GLIPR1L2: variants seen among roughly 807,000 people sequenced by gnomAD.
GLIPR1L2 encodes GLIPR1 like 2.
A neutral mutation model predicts 28.4 loss-of-function variants in GLIPR1L2; 21 were observed. The ratio of observed to expected loss-of-function variants is 0.74; its 90% CI spans 0.52 to 1.06. GLIPR1L2 has a LOEUF of 1.06. Ranked by LOEUF, GLIPR1L2 falls within the 50% of genes least tolerant of loss-of-function variation. The probability of loss-of-function intolerance (pLI) is 0.00; values close to 1 mark genes in which losing one functional copy is unlikely to be tolerated. For synonymous variants in GLIPR1L2, 145 were observed against 139.3 expected (o/e 1.04, Z -0.29); for missense variants, 476 against 416.9 (o/e 1.14, Z -1.23).
At chr12:75,414,641 A>G (rs1480082427) in intron 3 of GLIPR1L2, among the ~76,000 whole-genome samples, 2 of 152,134 alleles carry the variant, frequency 1.3e-5, no homozygotes, top group Non-Finnish European at 2.9e-5. Context: ...GTTGCAAAAC[A>G]TTTTAGGTGT....
intron 1 of GLIPR1L2, among the ~76,000 whole-genome samples, chr12:75,402,667 C>G (rs532515999): frequency 6.6e-6 from 1 of 152,294 alleles, no homozygotes; most frequent in African/African-American, 2.4e-5. Flanking sequence ...TGACCTTGGG[C>G]CCTGTCCTAA....
rs1203948082 is a variant in GLIPR1L2, at chr12:75,391,091, A to C, written c.-26A>C. On this transcript the variant is annotated 5_prime_UTR_variant, in exon 1 of 6. Transcript: ENST00000550916. ...TCACTGGGACGGCCAGCGCGTGCGC[A>C]CTGGCCTGTCAGCGGCCGGTGGACC... The C allele has an allele frequency of 2.0e-6, 3 of 1,528,014 alleles. No homozygotes were observed. Among genetic ancestry groups the C allele is most frequent in the African/African-American group, 1.4e-5 (1 of 73,258 alleles). The allele number at this position is 1,528,014 out of a possible 1,614,324, so 94.7% of individuals were successfully genotyped here. A position where few individuals can be genotyped will look rare whatever the true frequency, so the allele number is the denominator to read the frequency against.
rs1426076594 is a variant in GLIPR1L2, at chr12:75,431,025, A to G, written c.899A>G (p.Glu300Gly). The G allele has an allele frequency of 1.3e-6, 2 of 1,526,142 alleles. No individual in the cohort carries two copies. Among genetic ancestry groups the G allele is most frequent in the African/African-American group, 1.4e-5 (1 of 72,834 alleles). The allele number at this position is 1,526,142 out of a possible 1,614,324, so 94.5% of individuals were successfully genotyped here. A position where few individuals can be genotyped will look rare whatever the true frequency, so the allele number is the denominator to read the frequency against. Residue 300 changes from glutamate (E) to glycine (G), a missense_variant, in exon 6 of 6, where the codon GAG (glutamate) becomes GGG (glycine). By Grantham distance (98) the Glu-to-Gly change is moderately conservative. Transcript: ENST00000550916. ...TPEESEAGNE[E>G]EEKEEEKKEK... ...GAGGAATCTGAAGCAGGGAATGAAG[A>G]GGAGGAAAAAGAGGAAGAGAAGAAA...
chr12:75,393,009 C>A (rs1200545062), intron 1 of GLIPR1L2, among the ~76,000 whole-genome samples: 1 of 151,950 alleles, frequency 6.6e-6, no homozygotes, highest in Non-Finnish European at 1.5e-5. Flanking sequence ...GGACATCACT[C>A]AGCTTATTTA....
At chr12:75,415,593 T>C (rs769343783) in intron 3 of GLIPR1L2, among the ~76,000 whole-genome samples, 14 of 152,104 alleles carry the variant, frequency 9.2e-5, no homozygotes, top group Non-Finnish European at 1.9e-4. Flanking sequence ...AATCCAGATG[T>C]TGACTAAGTA....
At chr12:75,418,616 G>A (rs1214223911) in intron 3 of GLIPR1L2, among the ~76,000 whole-genome samples, 4 of 152,122 alleles carry the variant, frequency 2.6e-5, no homozygotes, top group Admixed American at 1.3e-4. Flanking sequence ...GTAACGTGAT[G>A]CCTCCAGCTT....
At chr12:75,398,062 G>A (rs2045699786) in intron 1 of GLIPR1L2, among the ~76,000 whole-genome samples, 2 of 151,174 alleles carry the variant, frequency 1.3e-5, no homozygotes, top group Admixed American at 1.3e-4. Flanking sequence ...CGGGAGCGGT[G>A]GCTCACGCCT....
chr12:75,392,309 G>T (rs2045628456), intron 1 of GLIPR1L2, among the ~76,000 whole-genome samples: 1 of 152,086 alleles, frequency 6.6e-6, no homozygotes. Context: ...CAGCTGTTCT[G>T]TTTTCACCAC....
chr12:75,425,288 G>A (rs1332869317), intron 4 of GLIPR1L2, among the ~76,000 whole-genome samples: 1 of 152,106 alleles, frequency 6.6e-6, no homozygotes, highest in African/African-American at 2.4e-5. Flanking sequence ...TGGAGGCCAA[G>A]AAGAATAAGG....
intron 2 of GLIPR1L2, among the ~76,000 whole-genome samples, chr12:75,413,322 G>T (rs1254535036): frequency 6.6e-6 from 1 of 150,772 alleles, no homozygotes; most frequent in Non-Finnish European, 1.5e-5. Context: ...TTGTGCACAT[G>T]TACCCTAAAA....
Position 75,430,741 on chromosome 12 carries a change from T to G in GLIPR1L2, c.697T>G (p.Tyr233Asp). 6.5e-7 allele frequency: 1 copy of G among 1,534,886 alleles called. No individual in the cohort carries two copies. The highest frequency in any genetic ancestry group is 1.2e-5 in the South Asian group (1 of 83,704). Residue 233 changes from tyrosine to aspartate, a missense_variant and splice_region_variant, in exon 5 of 6, where the codon TAT (tyrosine) becomes GAT (aspartate). Coordinates refer to ENST00000550916, the MANE Select transcript of GLIPR1L2 (RefSeq NM_001270396.2). ...CSNADRDQAT[Y>D]YRFWYPKWEM... ...TAATGCAGATCGTGACCAAGCCACA[T>G]GTATGTATTGTTGTCCTTTATTTCT...
intron 1 of GLIPR1L2, among the ~76,000 whole-genome samples, chr12:75,398,909 G>A (rs532367900): frequency 6.6e-6 from 1 of 152,156 alleles, no homozygotes; most frequent in South Asian, 2.1e-4. Flanking sequence ...ACAATGTTTG[G>A]AGGTTTCCGT....
chr12:75,395,681 T>C (rs1228487102), intron 1 of GLIPR1L2, among the ~76,000 whole-genome samples: 1 of 151,814 alleles, frequency 6.6e-6, no homozygotes, highest in Admixed American at 6.6e-5. Flanking sequence ...TTATTAGTTA[T>C]AGGTCTGTTT....
At chr12:75,426,593 A>T (rs972959104) in intron 4 of GLIPR1L2, among the ~76,000 whole-genome samples, 15 of 152,234 alleles carry the variant, frequency 9.9e-5, no homozygotes, top group African/African-American at 3.4e-4. Flanking sequence ...ATACAGAGAA[A>T]ATAATTCACA....
intron 1 of GLIPR1L2, among the ~76,000 whole-genome samples, chr12:75,406,969 C>T (rs2045809037): frequency 6.6e-6 from 1 of 151,906 alleles, no homozygotes; most frequent in Non-Finnish European, 1.5e-5. Context: ...AGGAGAGTCT[C>T]CCACACTCAA....
At chr12:75,427,670 T>A (rs952841203) in intron 4 of GLIPR1L2, among the ~76,000 whole-genome samples, 2 of 152,168 alleles carry the variant, frequency 1.3e-5, no homozygotes, top group African/African-American at 4.8e-5. Flanking sequence ...AATATCATCT[T>A]GAATTGTAAT....
intron 4 of GLIPR1L2, chr12:75,423,325 A>T: frequency 9.1e-7 from 1 of 1,095,598 alleles, no homozygotes; most frequent in Non-Finnish European, 1.1e-6. Flanking sequence ...AGGATAGTAT[A>T]TTCCAAAATA....
At chr12:75,413,759 T>A in intron 3 of GLIPR1L2, 58 bp downstream of exon 3, 1 of 779,706 alleles carries the variant, frequency 1.3e-6, no homozygotes. Context: ...AAGGTGAGTT[T>A]TTCTAACTTT....
At position 75,407,638 on chromosome 12, in the gene GLIPR1L2, T is replaced by C. The variant is rs2045817927; in HGVS notation, c.235-2796T>C. On this transcript the variant is annotated intron_variant, in intron 1 of 5. Coordinates refer to ENST00000550916, the MANE Select transcript of GLIPR1L2 (RefSeq NM_001270396.2). The stretch of plus-strand genomic sequence containing the variant: ...ATCTTTTCTATAATTGTCTTTGAGC[T>C]AGGCAATTTACAATTTTTAAATTGT... 2.0e-5 allele frequency among the ~76,000 whole-genome samples: 3 copies of C among 152,166 alleles called. No individual in the cohort carries two copies. In the South Asian group the frequency reaches 6.2e-4, roughly 31 times the overall value.
Sources: allele counts gnomAD v4.1 joint callset (sites outside exome capture counted in the v4.1 genomes callset), GRCh38; gene constraint gnomAD v4.1.1; transcripts MANE v1.5; gene names NCBI Gene and HGNC (gene_info 2026-07-23, HGNC 2026-07-21).